Variants in PTPRG observed in about 807,000 individuals in gnomAD.
PTPRG encodes the protein receptor-type tyrosine-protein phosphatase gamma.
A neutral mutation model predicts 165.3 loss-of-function variants in PTPRG; 102 were observed. The ratio of observed to expected loss-of-function variants is 0.62; its 90% CI spans 0.53 to 0.73. The LOEUF is 0.73. PTPRG is among the 30% of genes least tolerant of loss of function. The probability of loss-of-function intolerance (pLI) is 0.00; values close to 1 mark genes in which losing one functional copy is unlikely to be tolerated. For synonymous variants in PTPRG, 675 were observed against 669.5 expected, an observed-to-expected ratio of 1.01 and a Z score of -0.13; for missense variants, 1,866 against 1,861.4, an observed-to-expected ratio of 1.00 and a Z score of -0.05.
chr3:61,963,786 G>A (rs1380464514), intron 2 of PTPRG, among the ~76,000 whole-genome samples: 1 of 151,976 alleles, frequency 6.6e-6, no homozygotes, highest in Non-Finnish European at 1.5e-5. Context: ...CTTGATCTGG[G>A]CTTGTCCTTT....
intron 1 of PTPRG, among the ~76,000 whole-genome samples, chr3:61,622,822 CT>C (rs746669070): frequency 3.3e-5 from 5 of 152,172 alleles, no homozygotes; most frequent in Non-Finnish European, 5.9e-5. Flanking sequence ...GTAACTGCCT[CT>C]TAATGAATCA....
intron 1 of PTPRG, among the ~76,000 whole-genome samples, chr3:61,599,563 G>T (rs1209345930): frequency 6.6e-6 from 1 of 152,080 alleles, no homozygotes. Context: ...TATGATCTCG[G>T]TTCACTGCAA....
At chr3:61,971,975 G>A (rs1202871006) in intron 2 of PTPRG, among the ~76,000 whole-genome samples, 2 of 152,230 alleles carry the variant, frequency 1.3e-5, no homozygotes, top group African/African-American at 2.4e-5. Context: ...TGGGCCCATC[G>A]CTGTCATTTT....
intron 1 of PTPRG, among the ~76,000 whole-genome samples, chr3:61,649,852 G>C (rs982708208): frequency 6.6e-6 from 1 of 152,180 alleles, no homozygotes; most frequent in Admixed American, 6.5e-5. Context: ...AATTGGTAAA[G>C]CCTTGGTTTG....
At chr3:61,607,060 G>C (rs1701031119) in intron 1 of PTPRG, among the ~76,000 whole-genome samples, 1 of 152,172 alleles carries the variant, frequency 6.6e-6, no homozygotes, top group South Asian at 2.1e-4. Flanking sequence ...TTAGGAAAGA[G>C]GACTCTCTGC....
intron 1 of PTPRG, among the ~76,000 whole-genome samples, chr3:61,570,419 G>T (rs983421214): frequency 6.6e-6 from 1 of 152,176 alleles, no homozygotes; most frequent in African/African-American, 2.4e-5. Flanking sequence ...TGAAAGCATA[G>T]TTCATGGAAT....
intron 1 of PTPRG, among the ~76,000 whole-genome samples, chr3:61,746,611 A>G (rs2033216703): frequency 6.6e-6 from 1 of 152,026 alleles, no homozygotes; most frequent in Non-Finnish European, 1.5e-5. Flanking sequence ...CACTTTGTCT[A>G]ATACCTTCAG....
chr3:62,080,437 T>C (rs955576800), intron 5 of PTPRG, among the ~76,000 whole-genome samples: 5 of 152,058 alleles, frequency 3.3e-5, no homozygotes, highest in African/African-American at 1.2e-4. Context: ...CACAAACTGC[T>C]CTTAAAACAG....
At chr3:61,752,793 A>AAAAAAAAAAG (rs2033486633) in intron 2 of PTPRG, among the ~76,000 whole-genome samples, 2 of 80,358 alleles carry the variant, frequency 2.5e-5, no homozygotes, top group Non-Finnish European at 5.5e-5. Context: ...CTCAAAAAAA[A>AAAAAAAAAAG]AAAAAAAAGA....
intron 10 of PTPRG, among the ~76,000 whole-genome samples, chr3:62,198,710 C>CTGT (rs1700027535): frequency 6.6e-6 from 1 of 152,220 alleles, no homozygotes; most frequent in African/African-American, 2.4e-5. Context: ...AGTGGTTGGT[C>CTGT]TGTTAGCTCC....
At chr3:61,795,093 C>A (rs1445080359) in intron 2 of PTPRG, among the ~76,000 whole-genome samples, 1 of 152,110 alleles carries the variant, frequency 6.6e-6, no homozygotes, top group Admixed American at 6.5e-5. Flanking sequence ...CTCCTGCCAG[C>A]CTTATCTGTT....
At chr3:61,721,629 A>G (rs1163086334) in intron 1 of PTPRG, among the ~76,000 whole-genome samples, 3 of 152,084 alleles carry the variant, frequency 2.0e-5, no homozygotes, top group African/African-American at 4.8e-5. Flanking sequence ...ATTTAACACC[A>G]TGTCCTGCAT....
intron 2 of PTPRG, among the ~76,000 whole-genome samples, chr3:61,807,169 T>C (rs1331724163): frequency 4.6e-5 from 7 of 152,120 alleles, no homozygotes; most frequent in Non-Finnish European, 1.0e-4. Context: ...AGACGACTTG[T>C]AAATCACAAG....
intron 4 of PTPRG, among the ~76,000 whole-genome samples, chr3:62,074,145 C>A (rs1701296984): frequency 6.6e-6 from 1 of 150,912 alleles, no homozygotes; most frequent in African/African-American, 2.4e-5. Flanking sequence ...TATTATCTCC[C>A]ATTTGCTCCC....
At chr3:61,743,503 G>T (rs564587793) in intron 1 of PTPRG, among the ~76,000 whole-genome samples, 1 of 148,588 alleles carries the variant, frequency 6.7e-6, no homozygotes, top group South Asian at 2.1e-4. Context: ...CAGGCCATGG[G>T]TGTCTGTGTG....
Position 61,836,076 on chromosome 3 carries a change from T to C in PTPRG, c.190+87094T>C, listed in dbSNP as rs1197204980. Reference sequence around the variant, plus strand: ...CCCCCCCCCACCAAAAAAAAAAATATATATATATATACACACACACACACC... The same window carrying C: ...CCCCCCCCCACCAAAAAAAAAAATACATATATATATACACACACACACACC... On this transcript the variant is annotated intron_variant, in intron 2 of 29. Transcript: ENST00000474889. 1.6e-4 allele frequency among the ~76,000 whole-genome samples: 11 copies of C among 70,066 alleles called. No individual in the cohort carries two copies. The East Asian group carries it at 5.0e-3, about 32-fold the overall frequency. The allele number at this position is 70,066 out of a possible 152,430, so 46.0% of individuals were successfully genotyped here. A position where few individuals can be genotyped will look rare whatever the true frequency, so the allele number is the denominator to read the frequency against.
At chr3:62,138,714 CAAAAAAAAAA>C (rs563632840) in intron 6 of PTPRG, among the ~76,000 whole-genome samples, 21 of 91,386 alleles carry the variant, frequency 2.3e-4, no homozygotes, top group South Asian at 4.2e-4. Flanking sequence ...GGCAAAGCTC[CAAAAAAAAAA>C]AAAAAAAAAA....
chr3:62,114,449 T>TTTG (rs201788706), intron 5 of PTPRG, among the ~76,000 whole-genome samples: 6 of 152,154 alleles, frequency 3.9e-5, no homozygotes, highest in African/African-American at 7.2e-5. Context: ...ACAGGGCATT[T>TTTG]TTGTTGTTGT....
chr3:61,794,906 T>A lies in PTPRG; in HGVS notation c.190+45924T>A, dbSNP rs530919302. Among the ~76,000 whole-genome samples the A allele has an allele frequency of 5.9e-5, 9 of 152,278 alleles. 1 individual carries two copies. The South Asian group carries it at 1.2e-3, about 21-fold the overall frequency. On this transcript the variant is annotated intron_variant, in intron 2 of 29. Coordinates refer to ENST00000474889, the MANE Select transcript of PTPRG (RefSeq NM_002841.4). The stretch of plus-strand genomic sequence containing the variant: ...TATTGATGATGGTATTTGGACTTAT[T>A]TAGTCATAATATGAGTGGTTAAAAT...
Sources: gnomAD v4.1 joint callset for allele counts (sites outside exome capture counted in the v4.1 genomes callset) on GRCh38, gnomAD v4.1.1 for gene constraint, MANE v1.5 for transcripts, NCBI Gene and HGNC (gene_info 2026-07-23, HGNC 2026-07-21) for gene names.